Variants in TTL observed in about 807,000 individuals in gnomAD.
TTL encodes tubulin--tyrosine ligase.
In TTL, 10 loss-of-function variants were observed where a neutral mutation model predicts 41.1. That is an observed-to-expected ratio of 0.24 (90% CI 0.15 to 0.41). TTL has a LOEUF of 0.41. Among genes scored for constraint, TTL ranks in the 10% least tolerant of loss-of-function variants. The pLI is 1.00. For missense variants in TTL, 367 were observed against 460.4 expected (o/e 0.80, Z 1.86); for synonymous variants, 175 against 175.5 (o/e 1.00, Z 0.02).
intron 2 of TTL, among the ~76,000 whole-genome samples, chr2:112,490,131 C>A (rs753791406): frequency 1.1e-4 from 16 of 152,136 alleles, no homozygotes; most frequent in Non-Finnish European, 7.3e-5. Context: ...AAACCTAGCA[C>A]AAGGCCGGAT....
chr2:112,506,833 T>G (rs1171025830), intron 5 of TTL, among the ~76,000 whole-genome samples: 2 of 98,382 alleles, frequency 2.0e-5, no homozygotes, highest in African/African-American at 8.2e-5. Flanking sequence ...CTGCTCTGAT[T>G]TTAGTTATTT....
intron 2 of TTL, among the ~76,000 whole-genome samples, chr2:112,491,092 A>G (rs1681372775): frequency 6.6e-6 from 1 of 152,074 alleles, no homozygotes; most frequent in African/African-American, 2.4e-5. Context: ...CCCGGGTTCA[A>G]GCAATTCTCC....
chr2:112,514,679 T>G (rs1490178283), intron 5 of TTL, among the ~76,000 whole-genome samples: 1 of 152,216 alleles, frequency 6.6e-6, no homozygotes, highest in Admixed American at 6.5e-5. Context: ...CTATGAGATG[T>G]GTGTAGTTTT....
rs1405647765 is a variant in TTL, at chr2:112,536,371, C to G, written c.*7576C>G. On this transcript the variant is annotated 3_prime_UTR_variant, in exon 7 of 7. Coordinates refer to ENST00000233336, the MANE Select transcript of TTL (RefSeq NM_153712.5). ...TACAGGCATCAGCCAATGCACCTGG[C>G]AAAACACACTTTAGATTCAAAAACA... 1 of 151,864 alleles carries G rather than the reference C, an allele frequency of 6.6e-6. No individual in the cohort carries two copies. Among genetic ancestry groups the G allele is most frequent in the Non-Finnish European group, 1.5e-5 (1 of 68,006 alleles). The allele number at this position is 151,864 out of a possible 1,614,324, so 9.4% of individuals were successfully genotyped here.
At chr2:112,492,465 T>G (rs1381538371) in intron 2 of TTL, among the ~76,000 whole-genome samples, 2 of 151,806 alleles carry the variant, frequency 1.3e-5, no homozygotes, top group Non-Finnish European at 1.5e-5. Flanking sequence ...GCGCGGTGGC[T>G]CACGCCTGTA....
rs1194083761 is a variant in TTL at position 112,529,063 on chromosome 2, TC to T, written c.*272del. On this transcript the variant is annotated 3_prime_UTR_variant, in exon 7 of 7. Coordinates refer to ENST00000233336, the MANE Select transcript of TTL (RefSeq NM_153712.5). Reference sequence around the variant, plus strand: ...AGGCAGCTTTGTGAGCAGAGCTCCTTCCCCTCTCCCCGGGAACGGCAGGGCA... The same window carrying T: ...AGGCAGCTTTGTGAGCAGAGCTCCTTCCCTCTCCCCGGGAACGGCAGGGCA... The T allele has an allele frequency of 8.0e-6, 4 of 502,012 alleles. No homozygotes were observed. The highest frequency in any genetic ancestry group is 1.4e-5 in the Non-Finnish European group (4 of 276,514). 31.1% of individuals were successfully genotyped at this position (502,012 alleles called of 1,614,324 possible).
At chr2:112,503,260 T>TCATATAAGTTGTC (rs1205238039) in intron 5 of TTL, 79 bp downstream of exon 5, 2 of 1,299,532 alleles carry the variant, frequency 1.5e-6, no homozygotes, top group Non-Finnish European at 1.0e-6. Context: ...AAGAATTGTT[T>TCATATAAGTTGTC]CATATAAGTT....
chr2:112,501,273 G>A lies in TTL; in HGVS notation c.537G>A (p.Val179=). Residue 179 remains valine (V), a synonymous_variant, in exon 4 of 7, where the codon GTG becomes GTA. Transcript: ENST00000233336. ...LLDFIDNQGQ[V]HVIQKYLEHP... ...ATTTCATAGACAACCAGGGCCAAGTGCACGTGATCCAGAAATATCTTGAGC... is the reference window on the plus strand; with the variant it reads ...ATTTCATAGACAACCAGGGCCAAGTACACGTGATCCAGAAATATCTTGAGC... 6.2e-7 allele frequency: 1 copy of A among 1,613,708 alleles called. No individual in the cohort carries two copies. The highest frequency in any genetic ancestry group is 8.5e-7 in the Non-Finnish European group (1 of 1,179,802).
chr2:112,490,134 G>A (rs987717621), intron 2 of TTL, among the ~76,000 whole-genome samples: 1 of 152,146 alleles, frequency 6.6e-6, no homozygotes, highest in African/African-American at 2.4e-5. Context: ...CCTAGCACAA[G>A]GCCGGATGTG....
chr2:112,509,774 C>T (rs553834420), intron 5 of TTL, among the ~76,000 whole-genome samples: 14 of 152,320 alleles, frequency 9.2e-5, no homozygotes, highest in East Asian at 7.7e-4. Flanking sequence ...AGAAATCACC[C>T]GTCTTCTGCG....
At position 112,528,792 on chromosome 2, in the gene TTL, G is replaced by A. The variant is rs1031806629; in HGVS notation, c.1131G>A (p.Leu377=). Residue 377 remains leucine (L), a synonymous_variant, in exon 7 of 7, where the codon CTG becomes CTA. Transcript: ENST00000233336. ...CCCAGCCAGCTGCCTTCATCAAGCTGTGACAGAGGGCACTCCCTGCTGCCT... is the reference window on the plus strand; with the variant it reads ...CCCAGCCAGCTGCCTTCATCAAGCTATGACAGAGGGCACTCCCTGCTGCCT... ...PQTQPAAFIK[L] is the part of the protein sequence containing the mutation. The A allele has an allele frequency of 1.9e-6, 3 of 1,613,266 alleles. No individual in the cohort carries two copies. In the Admixed American group the frequency reaches 5.0e-5, roughly 27 times the overall value.
chr2:112,497,063 G>A (rs1247318498), intron 3 of TTL, among the ~76,000 whole-genome samples: 7 of 151,238 alleles, frequency 4.6e-5, no homozygotes, highest in African/African-American at 7.3e-5. Context: ...CTCGTGATCC[G>A]CCCGCCTCAG....
chr2:112,486,400 C>G (rs1223367318), intron 2 of TTL, among the ~76,000 whole-genome samples: 1 of 152,228 alleles, frequency 6.6e-6, no homozygotes, highest in African/African-American at 2.4e-5. Context: ...GAGCAAGGAC[C>G]AGGCCTCTAT....
rs1681473800 is a variant in TTL at position 112,494,470 on chromosome 2, G to A, written c.469+95G>A. 28 of 953,776 alleles carry A rather than the reference G, an allele frequency of 2.9e-5. 1 individual carries two copies. The South Asian group carries it at 4.5e-4, about 15-fold the overall frequency. The allele number at this position is 953,776 out of a possible 1,614,324, so 59.1% of individuals were successfully genotyped here. On this transcript the variant is annotated intron_variant, in intron 3 of 6. Coordinates refer to ENST00000233336, the MANE Select transcript of TTL (RefSeq NM_153712.5). ...CCCTATTTTAATCTGAATCATCGAA[G>A]GTTGAGACCGTGTCTAGTTACATAG...
chr2:112,491,990 G>A (rs1211267925), intron 2 of TTL, among the ~76,000 whole-genome samples: 1 of 151,952 alleles, frequency 6.6e-6, no homozygotes, highest in Non-Finnish European at 1.5e-5. Context: ...TTTTAACTAG[G>A]AAGAAATTCT....
In TTL at chr2:112,529,613, C is replaced by CT. The variant is rs759483274; in HGVS notation, c.*827dup. ...TCTAAATGCAGTTTTGCCTAGTTCC[C>CT]TTTTTTTTTCTTTTTTTACTTTTTT... On this transcript the variant is annotated 3_prime_UTR_variant, in exon 7 of 7. Coordinates refer to ENST00000233336, the MANE Select transcript of TTL (RefSeq NM_153712.5). 431 of 223,822 alleles carry CT rather than the reference C, an allele frequency of 1.9e-3. 1 individual carries two copies. Among genetic ancestry groups the CT allele is most frequent in the East Asian group, 0.015 (228 of 15,422 alleles). 13.9% of individuals were successfully genotyped at this position (223,822 alleles called of 1,614,324 possible). A position where few individuals can be genotyped will look rare whatever the true frequency, so the allele number is the denominator to read the frequency against.
rs61733584 is a variant in TTL at position 112,494,303 on chromosome 2, G to A, written c.397G>A (p.Ala133Thr). 13,624 of 1,614,110 alleles carry A rather than the reference G, an allele frequency of 8.4e-3. 85 individuals carry two copies. Among genetic ancestry groups the A allele is most frequent in the Non-Finnish European group, 0.01 (11,975 of 1,180,006 alleles). ...SRTDEREFFLASYNRKKEDGE... is the reference protein window; with the variant it reads ...SRTDEREFFLTSYNRKKEDGE... ...GACAGATGAAAGAGAATTCTTTCTC[G>A]CCTCTTATAACAGAAAGAAAGAGGA... Residue 133 changes from alanine (A) to threonine (T), a missense_variant, in exon 3 of 7, where the codon GCC (alanine) becomes ACC (threonine). Physicochemically the swap from Ala to Thr is moderately conservative, Grantham distance 58 (BLOSUM62 0). Transcript: ENST00000233336.
intron 5 of TTL, among the ~76,000 whole-genome samples, chr2:112,518,238 C>T (rs1414854449): frequency 6.6e-6 from 1 of 151,182 alleles, no homozygotes; most frequent in Non-Finnish European, 1.5e-5. Flanking sequence ...CTTGGCCTCC[C>T]AATATGCTGG....
chr2:112,534,810 C>G lies in TTL; in HGVS notation c.*6015C>G, dbSNP rs1558647436. The G allele has an allele frequency of 6.6e-6, 1 of 152,140 alleles. No homozygotes were observed. Among genetic ancestry groups the G allele is most frequent in the Non-Finnish European group, 1.5e-5 (1 of 68,042 alleles). 9.4% of individuals were successfully genotyped at this position (152,140 alleles called of 1,614,324 possible). Reference sequence around the variant, plus strand: ...AACCTATTCCTAAGAATGCAGAAGGCCACACACATGTGTAGGACTGTGCAC... The same window carrying G: ...AACCTATTCCTAAGAATGCAGAAGGGCACACACATGTGTAGGACTGTGCAC... On this transcript the variant is annotated 3_prime_UTR_variant, in exon 7 of 7. Coordinates refer to ENST00000233336, the MANE Select transcript of TTL (RefSeq NM_153712.5).
Sources: gnomAD v4.1 joint callset for allele counts (sites outside exome capture counted in the v4.1 genomes callset) on GRCh38, gnomAD v4.1.1 for gene constraint, MANE v1.5 for transcripts, NCBI Gene and HGNC (gene_info 2026-07-23, HGNC 2026-07-21) for gene names.